ERBB4: variants seen among roughly 807,000 people sequenced by gnomAD.
ERBB4 encodes receptor tyrosine-protein kinase erbB-4.
ERBB4 carries 42 observed loss-of-function variants against 158.0 expected under a neutral mutation model. That is an observed-to-expected ratio of 0.27 (90% CI 0.21 to 0.34). The LOEUF (loss-of-function observed/expected upper bound fraction) is 0.34. Ranked by LOEUF, ERBB4 falls within the 10% of genes least tolerant of loss-of-function variation. ERBB4 has a pLI of 1.00. For synonymous variants in ERBB4, 583 were observed against 558.7 expected (o/e 1.04, Z -0.61); for missense variants, 1,333 against 1,624.1 (o/e 0.82, Z 3.08).
intron 1 of ERBB4, among the ~76,000 whole-genome samples, chr2:212,414,976 C>A (rs895827950): frequency 1.2e-4 from 18 of 152,268 alleles, no homozygotes; most frequent in African/African-American, 3.9e-4. Context: ...TAAACTCTGC[C>A]AACCTGATGC....
intron 8 of ERBB4, among the ~76,000 whole-genome samples, chr2:211,712,577 A>G (rs1188407242): frequency 6.6e-6 from 1 of 152,142 alleles, no homozygotes; most frequent in East Asian, 1.9e-4. Context: ...TAGCAAAATG[A>G]TTTCATGGCC....
chr2:211,471,266 A>C (rs181695794), intron 20 of ERBB4, among the ~76,000 whole-genome samples: 1 of 152,274 alleles, frequency 6.6e-6, no homozygotes, highest in East Asian at 1.9e-4. Context: ...CTCCAGCCTC[A>C]GATGATATCA....
intron 3 of ERBB4, among the ~76,000 whole-genome samples, chr2:211,832,648 A>G (rs2077249019): frequency 6.6e-6 from 1 of 150,718 alleles, no homozygotes. Flanking sequence ...ATATGTAACC[A>G]GCATCCTTGT....
chr2:212,411,461 G>T lies in ERBB4; in HGVS notation c.82+126988C>A, dbSNP rs1317468656. On this transcript the variant is annotated intron_variant, in intron 1 of 27. Transcript: ENST00000342788. ...CAATACACGTAGATAAATATTTATGGTGATATCTATTCTGATGAACAAACA... is the reference window on the plus strand; with the variant it reads ...CAATACACGTAGATAAATATTTATGTTGATATCTATTCTGATGAACAAACA... 3.3e-5 allele frequency among the ~76,000 whole-genome samples: 5 copies of T among 152,256 alleles called. No individual in the cohort carries two copies. The East Asian group carries it at 9.6e-4, about 29-fold the overall frequency.
chr2:212,386,168 G>A (rs2090667286), intron 1 of ERBB4, among the ~76,000 whole-genome samples: 1 of 150,580 alleles, frequency 6.6e-6, no homozygotes, highest in Non-Finnish European at 1.5e-5. Context: ...TGTATTTTTA[G>A]AACTGAGTGT....
At chr2:211,535,853 T>G (rs2066636631) in intron 20 of ERBB4, 1 of 152,088 alleles carries the variant, frequency 6.6e-6, no homozygotes. Context: ...CATTGAAATA[T>G]TTCTATAATA....
chr2:211,560,790 A>T (rs1242578157), intron 20 of ERBB4, among the ~76,000 whole-genome samples: 1 of 152,192 alleles, frequency 6.6e-6, no homozygotes, highest in Admixed American at 6.5e-5. Flanking sequence ...CTCTACTGCG[A>T]GTTATGGTGT....
chr2:212,455,303 T>C (rs1017954370), intron 1 of ERBB4, among the ~76,000 whole-genome samples: 1 of 152,206 alleles, frequency 6.6e-6, no homozygotes, highest in African/African-American at 2.4e-5. Context: ...CCTATTATGC[T>C]TCTTTCCATT....
chr2:212,192,276 C>A (rs2082297547), intron 1 of ERBB4, among the ~76,000 whole-genome samples: 1 of 117,232 alleles, frequency 8.5e-6, no homozygotes, highest in Admixed American at 1.1e-4. Context: ...TCTGCAAACT[C>A]AAGACAGACT....
At chr2:211,443,921 G>T (rs774208199) in intron 20 of ERBB4, among the ~76,000 whole-genome samples, 1 of 152,004 alleles carries the variant, frequency 6.6e-6, no homozygotes, top group Non-Finnish European at 1.5e-5. Context: ...CATTACAGAT[G>T]ATTCTCATTT....
At chr2:211,716,537 C>T (rs1286710353) in intron 7 of ERBB4, among the ~76,000 whole-genome samples, 1 of 147,504 alleles carries the variant, frequency 6.8e-6, no homozygotes, top group African/African-American at 2.5e-5. Context: ...TTAGCCGGGC[C>T]TGGTGGCGGG....
chr2:211,524,417 G>A (rs775471117), intron 20 of ERBB4, among the ~76,000 whole-genome samples: 8 of 151,226 alleles, frequency 5.3e-5, no homozygotes, highest in South Asian at 2.1e-4. Flanking sequence ...ACTGGGTGCC[G>A]TGGAGCAGGG....
intron 19 of ERBB4, among the ~76,000 whole-genome samples, chr2:211,591,779 CAG>C (rs542146490): frequency 1.3e-5 from 2 of 152,178 alleles, no homozygotes; most frequent in African/African-American, 4.8e-5. Context: ...TTCCAGGTGT[CAG>C]AGTCATAAAA....
At chr2:211,745,435 T>C (rs542044795) in intron 5 of ERBB4, among the ~76,000 whole-genome samples, 1 of 152,256 alleles carries the variant, frequency 6.6e-6, no homozygotes, top group South Asian at 2.1e-4. Context: ...CAGGAATGAA[T>C]GTCAAGGACA....
Position 211,383,723 on chromosome 2 carries a change from C to T in ERBB4, c.3819G>A (p.Arg1273=), listed in dbSNP as rs776077461. 2 of 1,614,070 alleles carry T rather than the reference C, an allele frequency of 1.2e-6. No homozygotes were observed. The highest frequency in any genetic ancestry group is 1.7e-5 in the Admixed American group (1 of 60,010). The change falls in exon 28 of 28, where the codon CGG becomes CGA. Residue 1273 remains arginine, a synonymous_variant. Coordinates refer to ENST00000342788, the MANE Select transcript of ERBB4 (RefSeq NM_005235.3). ...GATTCTCTGCCACAATAGGCCGGATCCGCCCATTCTGTTTATAAAAATATT... is the reference window on the plus strand; with the variant it reads ...GATTCTCTGCCACAATAGGCCGGATTCGCCCATTCTGTTTATAAAAATATT... ...STKYFYKQNG[R]IRPIVAENPE...
At chr2:211,512,125 T>G (rs1221941109) in intron 20 of ERBB4, among the ~76,000 whole-genome samples, 3 of 152,130 alleles carry the variant, frequency 2.0e-5, no homozygotes, top group African/African-American at 7.2e-5. Flanking sequence ...TGGGAAAAAC[T>G]GGCAACATTC....
chr2:212,496,839 TTC>T (rs1354851739), intron 1 of ERBB4, among the ~76,000 whole-genome samples: 2 of 152,204 alleles, frequency 1.3e-5, no homozygotes, highest in Non-Finnish European at 2.9e-5. Flanking sequence ...GCATTTTCTC[TTC>T]TGTTTCTTGG....
At chr2:212,313,366 A>G (rs2087131306) in intron 1 of ERBB4, among the ~76,000 whole-genome samples, 1 of 150,840 alleles carries the variant, frequency 6.6e-6, no homozygotes, top group Non-Finnish European at 1.5e-5. Flanking sequence ...ACATGGGCTT[A>G]TTTTGTGACA....
Position 211,679,330 on chromosome 2 carries a change from C to T in ERBB4, c.1490-146G>A. On this transcript the variant is annotated intron_variant, in intron 12 of 27. Transcript: ENST00000342788. The stretch of plus-strand genomic sequence containing the variant: ...GGTGGCCTATCCCATCGTCATGTCC[C>T]ATCCTACCCACAACTTCTTCTATAT... 3.7e-6 allele frequency: 3 copies of T among 802,300 alleles called. No individual in the cohort carries two copies. In the Middle Eastern group the frequency reaches 1.0e-3, roughly 277 times the overall value. 49.7% of individuals were successfully genotyped at this position (802,300 alleles called of 1,614,324 possible). A position where few individuals can be genotyped will look rare whatever the true frequency, so the allele number is the denominator to read the frequency against.
Sources: gnomAD v4.1 joint callset for allele counts (sites outside exome capture counted in the v4.1 genomes callset) on GRCh38, gnomAD v4.1.1 for gene constraint, MANE v1.5 for transcripts, NCBI Gene and HGNC (gene_info 2026-07-23, HGNC 2026-07-21) for gene names.